Variants in MPHOSPH9 observed in about 807,000 individuals in gnomAD.
MPHOSPH9 encodes the protein M-phase phosphoprotein 9.
In MPHOSPH9, 88 loss-of-function variants were observed where a neutral mutation model predicts 145.5. The observed-to-expected ratio is 0.60, with a 90% CI of 0.51 to 0.72. The LOEUF (loss-of-function observed/expected upper bound fraction) is 0.72, where lower values mean the gene tolerates loss of function less well. MPHOSPH9 is among the 30% of genes least tolerant of loss of function. The probability of loss-of-function intolerance (pLI) is 0.00; values close to 1 mark genes in which losing one functional copy is unlikely to be tolerated. For missense variants in MPHOSPH9, 1,238 were observed against 1,386.6 expected, an observed-to-expected ratio of 0.89 and a Z score of 1.70; for synonymous variants, 435 against 486.2, an observed-to-expected ratio of 0.89 and a Z score of 1.39.
chr12:123,161,111 T>G (rs575161102), intron 22 of MPHOSPH9, 25 bp downstream of exon 22: 1 of 1,609,964 alleles, frequency 6.2e-7, no homozygotes, highest in South Asian at 1.1e-5. Context: ...GAAAACAATT[T>G]TTAAAAATAT....
rs780158499 is a variant in MPHOSPH9, at chr12:123,222,653, C to CA, written c.348+384dup. Among the ~76,000 whole-genome samples the CA allele has an allele frequency of 3.2e-3, 473 of 149,144 alleles. 2 individuals carry two copies. The highest frequency in any genetic ancestry group is 4.3e-3 in the Non-Finnish European group (287 of 67,238). On this transcript the variant is annotated intron_variant, in intron 4 of 23. Coordinates refer to ENST00000606320, the MANE Select transcript of MPHOSPH9 (RefSeq NM_022782.4). ...TGGGCAACAGAGTGAGACTCCATCTCAAAAAAAAATAAATGAAAATAAAAG... is the reference window on the plus strand; with the variant it reads ...TGGGCAACAGAGTGAGACTCCATCTCAAAAAAAAAATAAATGAAAATAAAAG...
intron 17 of MPHOSPH9, chr12:123,166,442 C>T: frequency 1.7e-6 from 1 of 603,308 alleles, no homozygotes; most frequent in Non-Finnish European, 2.9e-6. Flanking sequence ...CAAACCCATA[C>T]TGTGCCACTG....
chr12:123,165,305 T>C lies in MPHOSPH9; in HGVS notation c.2764A>G (p.Asn922Asp), dbSNP rs752791563. Residue 922 changes from asparagine to aspartate, a missense_variant, in exon 18 of 24, where the codon AAT becomes GAT. Around this residue, in one of 3 missense-constraint regions of MPHOSPH9, gnomAD observed 393 missense variants for 462.5 expected, o/e 0.85. Transcript: ENST00000606320. ...TCTCAAACAAGGAAATACTCACTAT[T>C]TGAGGTGTCCTCTTTCTCTGTCTGT... ...GTQTEKEDTS[N>D]INPRQTETSV... The C allele has an allele frequency of 9.3e-6, 15 of 1,612,342 alleles. No homozygotes were observed. Among genetic ancestry groups the C allele is most frequent in the African/African-American group, 1.3e-5 (1 of 74,888 alleles).
chr12:123,204,450 AG>A (rs906934340), intron 8 of MPHOSPH9, among the ~76,000 whole-genome samples: 2 of 152,220 alleles, frequency 1.3e-5, no homozygotes, highest in Non-Finnish European at 2.9e-5. Flanking sequence ...GTTTGTTAAA[AG>A]AGTTGGCCAA....
chr12:123,232,560 T>TG (rs961241590), intron 1 of MPHOSPH9, among the ~76,000 whole-genome samples: 1 of 151,802 alleles, frequency 6.6e-6, no homozygotes, highest in African/African-American at 2.4e-5. Flanking sequence ...ACGGGAGGCT[T>TG]GGGGGAGAGG....
intron 1 of MPHOSPH9, among the ~76,000 whole-genome samples, chr12:123,242,360 CTG>C (rs2047953305): frequency 6.6e-6 from 1 of 152,214 alleles, no homozygotes; most frequent in South Asian, 2.1e-4. Flanking sequence ...TAGCACTTCT[CTG>C]TACCATTTTT....
At position 123,202,629 on chromosome 12, in the gene MPHOSPH9, C is replaced by T; in HGVS notation, c.1776G>A (p.Leu592=). Residue 592 remains leucine (L), a synonymous_variant, in exon 10 of 24, where the codon TTG becomes TTA. Coordinates refer to ENST00000606320, the MANE Select transcript of MPHOSPH9 (RefSeq NM_022782.4). ...SLTSLEDPVI[L]SKIRQNLKEK... is the part of the protein sequence containing the mutation. ...CCATTCACTGAAATACATACTTAGA[C>T]AATATCACAGGATCTTCCAAGGAAG... The T allele has an allele frequency of 6.2e-7, 1 of 1,611,780 alleles. No homozygotes were observed. Among genetic ancestry groups the T allele is most frequent in the Non-Finnish European group, 8.5e-7 (1 of 1,178,188 alleles).
chr12:123,209,282 G>A (rs2046590189), intron 8 of MPHOSPH9, among the ~76,000 whole-genome samples: 1 of 152,160 alleles, frequency 6.6e-6, no homozygotes, highest in South Asian at 2.1e-4. Context: ...AGGCAAAAAT[G>A]ACAGACTGAA....
chr12:123,152,852 G>C (rs1310592296), downstream of MPHOSPH9: 1 of 190,630 alleles, frequency 5.2e-6, no homozygotes, highest in Non-Finnish European at 1.1e-5. Flanking sequence ...ATGGTAAAAG[G>C]CTACAGGTGT....
intron 15 of MPHOSPH9, among the ~76,000 whole-genome samples, chr12:123,177,653 A>G (rs1470596109): frequency 6.6e-6 from 1 of 152,230 alleles, no homozygotes; most frequent in East Asian, 1.9e-4. Flanking sequence ...AAGGGAACAA[A>G]TGGACTTAAT....
intron 16 of MPHOSPH9, among the ~76,000 whole-genome samples, chr12:123,171,616 G>A: frequency 6.6e-6 from 1 of 151,946 alleles, no homozygotes; most frequent in Non-Finnish European, 1.5e-5. Flanking sequence ...AGGCATGGTA[G>A]TGGGCACCTG....
Position 123,194,367 on chromosome 12 carries a change from A to T in MPHOSPH9, c.2241+19T>A. 6.9e-7 allele frequency: 1 copy of T among 1,448,870 alleles called. No individual in the cohort carries two copies. Among genetic ancestry groups the T allele is most frequent in the African/African-American group, 1.4e-5 (1 of 71,150 alleles). 89.8% of individuals were successfully genotyped at this position (1,448,870 alleles called of 1,614,324 possible). A position where few individuals can be genotyped will look rare whatever the true frequency, so the allele number is the denominator to read the frequency against. On this transcript the variant is annotated intron_variant, in intron 13 of 23. Coordinates refer to ENST00000606320, the MANE Select transcript of MPHOSPH9 (RefSeq NM_022782.4). ...TTTTAGCCAATCACGTCATTAAGTT[A>T]CTATTATTCGCTACTTACATCTTGA...
At chr12:123,167,336 C>T (rs944011847) in intron 16 of MPHOSPH9, among the ~76,000 whole-genome samples, 8 of 152,030 alleles carry the variant, frequency 5.3e-5, no homozygotes, top group East Asian at 1.9e-4. Flanking sequence ...TGTCAAACTC[C>T]CAAAAAATGG....
intron 11 of MPHOSPH9, among the ~76,000 whole-genome samples, chr12:123,199,862 G>T (rs1256620321): frequency 6.6e-6 from 1 of 151,790 alleles, no homozygotes; most frequent in Non-Finnish European, 1.5e-5. Context: ...AACAAAGACA[G>T]TTCAGTTCCT....
chr12:123,170,694 C>T (rs982956206), intron 16 of MPHOSPH9, among the ~76,000 whole-genome samples: 1 of 152,098 alleles, frequency 6.6e-6, no homozygotes, highest in African/African-American at 2.4e-5. Context: ...TCCTTTCTCC[C>T]GGCAGTGGAA....
At chr12:123,189,829 G>C (rs12099469) in intron 13 of MPHOSPH9, among the ~76,000 whole-genome samples, 1 of 151,870 alleles carries the variant, frequency 6.6e-6, no homozygotes, top group Non-Finnish European at 1.5e-5. Flanking sequence ...CCAGCTACTA[G>C]GGAGGCTGAG....
chr12:123,214,521 A>G (rs1467078923), intron 7 of MPHOSPH9, among the ~76,000 whole-genome samples: 1 of 152,180 alleles, frequency 6.6e-6, no homozygotes, highest in African/African-American at 2.4e-5. Context: ...TGGGTGACAG[A>G]GTGAGACCCT....
chr12:123,210,309 T>C (rs2046646926), intron 7 of MPHOSPH9, 147 bp from the exon 8 acceptor site: 2 of 488,014 alleles, frequency 4.1e-6, no homozygotes, highest in African/African-American at 4.0e-5. Context: ...AAAAAAGTTA[T>C]CTAAATTCCT....
downstream of MPHOSPH9, chr12:123,152,402 T>A (rs1281482629): frequency 1.2e-4 from 41 of 352,380 alleles, no homozygotes; most frequent in East Asian, 3.2e-3. Context: ...GCTTACAGCT[T>A]CACGACTCCA....
Sources: allele counts gnomAD v4.1 joint callset (sites outside exome capture counted in the v4.1 genomes callset), GRCh38; gene constraint gnomAD v4.1.1; regional missense constraint gnomAD v4.1.1; transcripts MANE v1.5; gene names NCBI Gene and HGNC (gene_info 2026-07-23, HGNC 2026-07-21).